Variants in PCDH20 observed in about 807,000 individuals in gnomAD.
PCDH20 encodes protocadherin 20.
PCDH20 carries 18 observed loss-of-function variants against 39.7 expected under a neutral mutation model. The ratio of observed to expected loss-of-function variants is 0.45; its 90% confidence interval spans 0.31 to 0.67. The LOEUF (loss-of-function observed/expected upper bound fraction) is 0.67, where lower values mean the gene tolerates loss of function less well. PCDH20 is among the 30% of genes least tolerant of loss of function. PCDH20 has a pLI of 0.05. For missense variants in PCDH20, 1,161 were observed against 1,167.4 expected (o/e 0.99, Z 0.08); for synonymous variants, 495 against 455.4 (o/e 1.09, Z -1.11).
At chr13:61,412,206 A>G (rs1434729395) in exon 2 of PCDH20, 3 of 1,614,084 alleles carry the variant, frequency 1.9e-6, no homozygotes, top group Non-Finnish European at 1.7e-6. Flanking sequence ...TGTCATTTTT[A>G]TCCAACACTG....
chr13:61,411,044 TA>T lies in PCDH20; in HGVS notation c.*198del, dbSNP rs1388705378. The stretch of plus-strand genomic sequence containing the variant: ...ATACAAGTCCTATAGCTGTTAGTAC[TA>T]ATTTTCACTTAAAAATGCTGTACAC... On this transcript the variant is annotated 3_prime_UTR_variant, in exon 2 of 2. Coordinates refer to ENST00000409204, the Ensembl canonical transcript of PCDH20. 8.4e-4 allele frequency: 399 copies of T among 476,228 alleles called. 2 individuals are homozygous for T. Among genetic ancestry groups the T allele is most frequent in the Admixed American group, 1.3e-3 (35 of 27,762 alleles). The allele number at this position is 476,228 out of a possible 1,614,324, so 29.5% of individuals were successfully genotyped here.
chr13:61,413,188 G>T, exon 2 of PCDH20: 3 of 1,614,050 alleles, frequency 1.9e-6, no homozygotes, highest in Non-Finnish European at 2.5e-6. Flanking sequence ...GGTGAGAGTG[G>T]CACTGCCCAA....
At chr13:61,413,406 C>T (rs201818852) in exon 2 of PCDH20, 2 of 1,614,102 alleles carry the variant, frequency 1.2e-6, no homozygotes, top group African/African-American at 1.3e-5. Context: ...CAGCAGGATG[C>T]TCTATGGCCA....
Position 61,411,764 on chromosome 13 carries a change from CA to C in PCDH20, c.2334del (p.Val779SerfsTer2). 3.7e-6 allele frequency: 6 copies of C among 1,614,154 alleles called. No individual in the cohort carries two copies. Among genetic ancestry groups the C allele is most frequent in the Non-Finnish European group, 5.1e-6 (6 of 1,180,034 alleles). On this transcript the variant is annotated frameshift_variant, in exon 2 of 2. Transcript: ENST00000409204. LOFTEE classifies it low-confidence loss of function (END_TRUNC). ...CTCCCTATGATGCTGTAAGCTATGA[CA>C]GCATTCATGCCTGTGTCTTTGTCGA... is the stretch of plus-strand genomic sequence containing the variant.
In PCDH20 at chr13:61,415,116, C is replaced by T. The variant is rs764790037; in HGVS notation, c.43G>A (p.Val15Met). ...TGCCAGGTCGCCGGGCACCAGCTCA[C>T]TCCCAGGGCCTGTGAGCTGCGCGCA... The change falls in exon 1 of 2, where the codon GTG (valine) becomes ATG (methionine). Residue 15 changes from valine to methionine, a missense_variant. This residue lies in a region of PCDH20 where 401 missense variants were observed against 368.7 expected (regional missense o/e 1.09). Coordinates refer to ENST00000409204, the Ensembl canonical transcript of PCDH20. 9 of 1,541,138 alleles carry T rather than the reference C, an allele frequency of 5.8e-6. No homozygotes were observed. In the South Asian group the frequency reaches 8.5e-5, roughly 14 times the overall value.
At chr13:61,412,132 C>T (rs980817543) in exon 2 of PCDH20, 2 of 1,614,022 alleles carry the variant, frequency 1.2e-6, no homozygotes, top group African/African-American at 1.3e-5. Context: ...TCCAATCTCA[C>T]CATAGCCTGG....
exon 2 of PCDH20, chr13:61,413,144 G>A (rs772817874): frequency 1.2e-6 from 2 of 1,614,178 alleles, no homozygotes; most frequent in Non-Finnish European, 1.7e-6. Flanking sequence ...TCTGTGAAGA[G>A]AGGGCAATTG....
chr13:61,413,081 C>T (rs181751845), exon 2 of PCDH20: 8 of 1,614,208 alleles, frequency 5.0e-6, no homozygotes, highest in South Asian at 3.3e-5. Flanking sequence ...TGGACAGCTG[C>T]AATTGGGGTG....
At chr13:61,415,236 T>G (rs1237008244) in exon 1 of PCDH20, 16 of 1,284,256 alleles carry the variant, frequency 1.2e-5, no homozygotes, top group Non-Finnish European at 1.6e-5. Flanking sequence ...TGCAAATCGC[T>G]GGGGGAACTT....
exon 2 of PCDH20, chr13:61,413,842 G>T (rs150975740): frequency 1.1e-4 from 185 of 1,612,582 alleles, no homozygotes; most frequent in Non-Finnish European, 1.5e-4. Context: ...CAGGTCCTCG[G>T]CCAGGCTGCC....
rs759947251 is a variant in PCDH20, at chr13:61,413,482, G to A, written c.617C>T (p.Ala206Val). 6.2e-6 allele frequency: 10 copies of A among 1,613,920 alleles called. No individual in the cohort carries two copies. The East Asian group carries it at 2.2e-4, about 36-fold the overall frequency. ...GATCTGGGAAACAGGGAACTGCGGG[G>A]CGTTGTCATTGATGTCTCTGATGGC... The change falls in exon 2 of 2, where the codon GCC (alanine) becomes GTC (valine). Residue 206 changes from alanine to valine, a missense_variant. Physicochemically the swap from Ala to Val is moderately conservative, Grantham distance 64. This residue lies in a region of PCDH20 where 401 missense variants were observed against 368.7 expected (regional missense o/e 1.09). Coordinates refer to ENST00000409204, the Ensembl canonical transcript of PCDH20.
chr13:61,414,065 C>T (rs569153276), intron 1 of PCDH20, 99 bp from the exon 2 acceptor site: 6 of 1,126,756 alleles, frequency 5.3e-6, no homozygotes, highest in Non-Finnish European at 7.4e-6. Context: ...TCCCCATCCC[C>T]GTTCCCAGAA....
chr13:61,412,800 G>A (rs1266806470), exon 2 of PCDH20: 6 of 1,613,874 alleles, frequency 3.7e-6, no homozygotes, highest in Middle Eastern at 1.6e-4. Flanking sequence ...CATCTATCTC[G>A]TTTGCTATGT....
chr13:61,415,380 AATGGGG>A, exon 1 of PCDH20: 1 of 459,786 alleles, frequency 2.2e-6, no homozygotes, highest in African/African-American at 2.0e-5. Context: ...GAGGAGCTGG[AATGGGG>A]GACTTGCTCC....
exon 2 of PCDH20, chr13:61,411,213 C>T (rs1322764122): frequency 1.3e-6 from 2 of 1,557,246 alleles, no homozygotes; most frequent in South Asian, 2.4e-5. Context: ...TCAGTTAAAA[C>T]ATTTCTCTGT....
chr13:61,411,067 A>G, exon 2 of PCDH20: 2 of 573,308 alleles, frequency 3.5e-6, no homozygotes. Context: ...AAAATGCTGT[A>G]CACATTTTAT....
At chr13:61,411,871 A>C in exon 2 of PCDH20, 1 of 1,614,172 alleles carries the variant, frequency 6.2e-7, no homozygotes, top group Non-Finnish European at 8.5e-7. Context: ...CTGAGGAAAC[A>C]AAACAAGAGG....
chr13:61,414,189 C>T (rs1436426285), intron 1 of PCDH20, among the ~76,000 whole-genome samples: 2 of 152,024 alleles, frequency 1.3e-5, no homozygotes, highest in East Asian at 1.9e-4. Flanking sequence ...ATCCCCTCCG[C>T]CCCCGCCTTC....
chr13:61,409,766 C>T (rs546116869), exon 2 of PCDH20: 54 of 152,074 alleles, frequency 3.6e-4, no homozygotes, highest in African/African-American at 1.3e-3. Context: ...ACAGGTTACC[C>T]ACATTTAACC....
Sources: allele counts gnomAD v4.1 joint callset (sites outside exome capture counted in the v4.1 genomes callset), GRCh38; gene constraint gnomAD v4.1.1; regional missense constraint gnomAD v4.1.1; transcripts MANE v1.5; gene names NCBI Gene and HGNC (gene_info 2026-07-23, HGNC 2026-07-21).